DPP10: variants seen among roughly 807,000 people sequenced by gnomAD.
DPP10 encodes inactive dipeptidyl peptidase 10.
In DPP10, 33 loss-of-function variants were observed where a neutral mutation model predicts 120.9. That is an observed-to-expected ratio of 0.27 (90% confidence interval 0.21 to 0.37). The LOEUF (loss-of-function observed/expected upper bound fraction) is 0.37, where lower values mean the gene tolerates loss of function less well. Among genes scored for constraint, DPP10 ranks in the 10% least tolerant of loss-of-function variants. The pLI is 1.00. For missense variants in DPP10, 816 were observed against 942.8 expected (o/e 0.87, Z 1.76); for synonymous variants, 337 against 326.1 (o/e 1.03, Z -0.36).
At chr2:114,930,501 G>A (rs1388178920) in intron 1 of DPP10, among the ~76,000 whole-genome samples, 1 of 152,118 alleles carries the variant, frequency 6.6e-6, no homozygotes, top group Non-Finnish European at 1.5e-5. Flanking sequence ...CTTTGCTAAG[G>A]CTAATAAGGA....
intron 1 of DPP10, among the ~76,000 whole-genome samples, chr2:114,631,311 C>T (rs562724746): frequency 1.3e-5 from 2 of 152,192 alleles, no homozygotes; most frequent in South Asian, 4.2e-4. Context: ...TGAGTCCCCT[C>T]TAAAAGCATG....
chr2:115,198,868 C>G (rs1340998171), intron 1 of DPP10, among the ~76,000 whole-genome samples: 2 of 152,160 alleles, frequency 1.3e-5, no homozygotes, highest in Non-Finnish European at 2.9e-5. Context: ...ATTATTGCCT[C>G]TCAAGAAGTA....
intron 1 of DPP10, among the ~76,000 whole-genome samples, chr2:114,875,680 T>C (rs1057053988): frequency 2.0e-5 from 3 of 152,050 alleles, no homozygotes; most frequent in Admixed American, 2.0e-4. Context: ...GTTAAGAAAT[T>C]AGCATAAGTT....
Position 114,834,472 on chromosome 2 carries a change from A to ACACCTATGTACATATCAGCCATATCTACG in DPP10, c.60+391644_60+391645insCATATCAGCCATATCTACGCACCTATGTA, listed in dbSNP as rs1558790606. Among the ~76,000 whole-genome samples, 34 of 144,928 alleles carry ACACCTATGTACATATCAGCCATATCTACG rather than the reference A, an allele frequency of 2.3e-4. 8 individuals carry two copies. Among genetic ancestry groups the ACACCTATGTACATATCAGCCATATCTACG allele is most frequent in the African/African-American group, 7.9e-4 (31 of 39,416 alleles). ...CTATGTACATATCAGCCATATCTAC[A>ACACCTATGTACATATCAGCCATATCTACG]CACCTATGTATATATAAGCCATATC... On this transcript the variant is annotated intron_variant, in intron 1 of 25. Transcript: ENST00000410059.
intron 1 of DPP10, among the ~76,000 whole-genome samples, chr2:114,455,186 G>GTGTGTGTGTGTGTA (rs1376102778): frequency 1.2e-3 from 184 of 151,670 alleles, no homozygotes; most frequent in African/African-American, 4.1e-3. Flanking sequence ...GTGTGTGTGT[G>GTGTGTGTGTGTGTA]TTTGGGGGTG....
rs1438935068 is a variant in DPP10 at position 115,844,301 on chromosome 2, G to A, written c.*1956G>A. ...TGCAAATGATTATGTTGTCTGAAAG[G>A]TGTGGTTTTATTGAATGTCTATTTG... is the stretch of plus-strand genomic sequence containing the variant. On this transcript the variant is annotated 3_prime_UTR_variant, in exon 26 of 26. Coordinates refer to ENST00000410059, the MANE Select transcript of DPP10 (RefSeq NM_020868.6). 2 of 152,486 alleles carry A rather than the reference G, an allele frequency of 1.3e-5. No individual in the cohort carries two copies. Among genetic ancestry groups the A allele is most frequent in the African/African-American group, 2.4e-5 (1 of 41,416 alleles). The allele number at this position is 152,486 out of a possible 1,614,324, so 9.4% of individuals were successfully genotyped here.
intron 1 of DPP10, among the ~76,000 whole-genome samples, chr2:114,538,433 C>T (rs1191378539): frequency 6.6e-6 from 1 of 152,056 alleles, no homozygotes; most frequent in Non-Finnish European, 1.5e-5. Flanking sequence ...GAAGTGTCCA[C>T]CTAAAGTCCA....
Position 114,743,396 on chromosome 2 carries a change from A to T in DPP10, c.60+300558A>T, listed in dbSNP as rs570475114. 3.4e-4 allele frequency among the ~76,000 whole-genome samples: 49 copies of T among 143,592 alleles called. No homozygotes were observed. The South Asian group carries it at 9.4e-3, about 28-fold the overall frequency. The allele number at this position is 143,592 out of a possible 152,430, so 94.2% of individuals were successfully genotyped here. A position where few individuals can be genotyped will look rare whatever the true frequency, so the allele number is the denominator to read the frequency against. On this transcript the variant is annotated intron_variant, in intron 1 of 25. Coordinates refer to ENST00000410059, the MANE Select transcript of DPP10 (RefSeq NM_020868.6). ...CTTGAAGTTTCTTTTTTTTTCTTTC[A>T]TATCCATACCCTTGCATGGAAATAG...
At position 114,713,968 on chromosome 2, in the gene DPP10, G is replaced by A. The variant is rs565584957; in HGVS notation, c.60+271130G>A. On this transcript the variant is annotated intron_variant, in intron 1 of 25. Coordinates refer to ENST00000410059, the MANE Select transcript of DPP10 (RefSeq NM_020868.6). The stretch of plus-strand genomic sequence containing the variant: ...CCATTGCACTCCAGCCTGGGCTGCA[G>A]AGAGAATCCGTCTCAAAAAAAAAAA... 2.0e-5 allele frequency among the ~76,000 whole-genome samples: 3 copies of A among 149,150 alleles called. No individual in the cohort carries two copies. In the South Asian group the frequency reaches 6.3e-4, roughly 32 times the overall value.
At chr2:115,211,648 G>A (rs986442243) in intron 1 of DPP10, among the ~76,000 whole-genome samples, 7 of 150,926 alleles carry the variant, frequency 4.6e-5, no homozygotes, top group African/African-American at 1.7e-4. Context: ...CATTTAATTT[G>A]GCAGTAAGAT....
intron 5 of DPP10, among the ~76,000 whole-genome samples, chr2:115,675,928 G>A (rs547220269): frequency 3.3e-5 from 5 of 152,162 alleles, no homozygotes; most frequent in Non-Finnish European, 7.3e-5. Flanking sequence ...GGGTTGCAGT[G>A]TTGCGCCACC....
At chr2:115,536,112 A>G (rs960760660) in intron 5 of DPP10, among the ~76,000 whole-genome samples, 2 of 152,072 alleles carry the variant, frequency 1.3e-5, no homozygotes, top group Non-Finnish European at 2.9e-5. Context: ...ATCTGAAAAT[A>G]CACACACAAA....
chr2:115,800,300 A>C (rs200148323), intron 19 of DPP10, among the ~76,000 whole-genome samples: 1,920 of 128,110 alleles, frequency 0.015, 33 homozygotes, highest in African/African-American at 0.051. Flanking sequence ...TTTTCTTGTA[A>C]ATTTGTTTGA....
chr2:114,750,893 C>T (rs774753916), intron 1 of DPP10, among the ~76,000 whole-genome samples: 1 of 152,294 alleles, frequency 6.6e-6, no homozygotes, highest in Non-Finnish European at 1.5e-5. Context: ...TTTGGAGACA[C>T]CAGTTGAAAT....
At chr2:114,595,175 C>G (rs1310842983) in intron 1 of DPP10, among the ~76,000 whole-genome samples, 1 of 152,128 alleles carries the variant, frequency 6.6e-6, no homozygotes, top group African/African-American at 2.4e-5. Context: ...ATTCACCACT[C>G]TTGCTGGTGG....
intron 1 of DPP10, among the ~76,000 whole-genome samples, chr2:114,544,474 A>C (rs1687209662): frequency 6.6e-6 from 1 of 152,224 alleles, no homozygotes; most frequent in Non-Finnish European, 1.5e-5. Flanking sequence ...ACTGTGATTG[A>C]TAAAACACTT....
At chr2:115,169,439 A>G (rs1226194687) in intron 1 of DPP10, among the ~76,000 whole-genome samples, 1 of 149,544 alleles carries the variant, frequency 6.7e-6, no homozygotes, top group Non-Finnish European at 1.5e-5. Flanking sequence ...TACACACTAT[A>G]CACACACATA....
chr2:114,788,858 C>A (rs73949020), intron 1 of DPP10, among the ~76,000 whole-genome samples: 1,800 of 152,180 alleles, frequency 0.012, 40 homozygotes, highest in African/African-American at 0.041. Context: ...TCTTTTTTAA[C>A]GGCATCCTCT....
chr2:114,599,216 G>C (rs563165964), intron 1 of DPP10, among the ~76,000 whole-genome samples: 7 of 151,804 alleles, frequency 4.6e-5, no homozygotes, highest in Non-Finnish European at 1.0e-4. Context: ...AGAGAATGAA[G>C]TAGGTTTGTA....
Sources: gnomAD v4.1 joint callset for allele counts (sites outside exome capture counted in the v4.1 genomes callset) on GRCh38, gnomAD v4.1.1 for gene constraint, MANE v1.5 for transcripts, NCBI Gene and HGNC (gene_info 2026-07-23, HGNC 2026-07-21) for gene names.